The following BBS9 variants were observed in gnomAD, a reference collection of about 807,000 sequenced individuals.
The protein encoded by BBS9 is protein PTHB1.
BBS9 carries 89 observed loss-of-function variants against 117.7 expected under a neutral mutation model. The observed-to-expected ratio is 0.76, with a 90% CI of 0.64 to 0.90. The LOEUF (loss-of-function observed/expected upper bound fraction) is 0.90. BBS9 is among the 40% of genes least tolerant of loss of function. BBS9 has a pLI of 0.00. For synonymous variants in BBS9, 379 were observed against 370.9 expected, an observed-to-expected ratio of 1.02 and a Z score of -0.25; for missense variants, 982 against 1,042.2, an observed-to-expected ratio of 0.94 and a Z score of 0.80.
intron 5 of BBS9, among the ~76,000 whole-genome samples, chr7:33,200,622 T>C (rs1410549701): frequency 6.6e-6 from 1 of 152,182 alleles, no homozygotes; most frequent in East Asian, 1.9e-4. Context: ...TTTTCCTGGC[T>C]TTCACTCATA....
At chr7:33,558,351 G>A (rs372601309) in intron 21 of BBS9, among the ~76,000 whole-genome samples, 1 of 152,102 alleles carries the variant, frequency 6.6e-6, no homozygotes, top group East Asian at 1.9e-4. Flanking sequence ...ACTGAGGTGG[G>A]GGCACGTGAG....
At chr7:33,419,528 T>G (rs1356715575) in intron 19 of BBS9, among the ~76,000 whole-genome samples, 2 of 152,160 alleles carry the variant, frequency 1.3e-5, no homozygotes, top group East Asian at 3.8e-4. Context: ...GAGATTGTCT[T>G]ATAATAATAA....
intron 9 of BBS9, among the ~76,000 whole-genome samples, chr7:33,309,217 T>C (rs1018912800): frequency 3.9e-5 from 6 of 152,206 alleles, no homozygotes; most frequent in Admixed American, 1.3e-4. Context: ...AAGAAGATTC[T>C]TAGGTGATTC....
intron 4 of BBS9, among the ~76,000 whole-genome samples, chr7:33,161,912 ATGT>A (rs1794920444): frequency 6.6e-6 from 1 of 152,178 alleles, no homozygotes; most frequent in African/African-American, 2.4e-5. Flanking sequence ...GGGTGCATAG[ATGT>A]CTTCTTTTGA....
chr7:33,461,463 C>A (rs1839454173), intron 19 of BBS9, among the ~76,000 whole-genome samples: 1 of 151,012 alleles, frequency 6.6e-6, no homozygotes, highest in Non-Finnish European at 1.5e-5. Context: ...CCACTTTTTC[C>A]AAAGTTACTT....
At chr7:33,633,884 C>G (rs948282169) in intron 21 of BBS9, among the ~76,000 whole-genome samples, 5 of 152,140 alleles carry the variant, frequency 3.3e-5, no homozygotes, top group Admixed American at 2.6e-4. Flanking sequence ...CCTATCCAGC[C>G]CTCTTTGCTC....
chr7:33,178,059 C>T (rs901088704), intron 5 of BBS9, among the ~76,000 whole-genome samples: 1 of 152,202 alleles, frequency 6.6e-6, no homozygotes, highest in Non-Finnish European at 1.5e-5. Flanking sequence ...ACCTTATTGA[C>T]AGGAAGTCAC....
chr7:33,470,100 A>G (rs1007315292), intron 19 of BBS9, among the ~76,000 whole-genome samples: 2 of 152,100 alleles, frequency 1.3e-5, no homozygotes, highest in Non-Finnish European at 2.9e-5. Flanking sequence ...TCATCTTTGG[A>G]ATTGAGGACT....
chr7:33,417,600 T>C (rs948646325), intron 19 of BBS9, among the ~76,000 whole-genome samples: 15 of 152,366 alleles, frequency 9.8e-5, no homozygotes, highest in Non-Finnish European at 1.8e-4. Flanking sequence ...TTATCCAGGC[T>C]CTAAGACAAA....
At chr7:33,363,197 G>C (rs914880667) in intron 16 of BBS9, among the ~76,000 whole-genome samples, 1 of 152,136 alleles carries the variant, frequency 6.6e-6, no homozygotes, top group Non-Finnish European at 1.5e-5. Flanking sequence ...TCGCCTCCCA[G>C]GTTCAAGCAA....
At chr7:33,241,359 T>C (rs1182944548) in intron 5 of BBS9, among the ~76,000 whole-genome samples, 1 of 152,194 alleles carries the variant, frequency 6.6e-6, no homozygotes, top group East Asian at 1.9e-4. Flanking sequence ...TGAGACATTC[T>C]CTGTGCTTCT....
intron 5 of BBS9, among the ~76,000 whole-genome samples, chr7:33,199,332 A>G (rs1480348778): frequency 2.6e-5 from 4 of 151,974 alleles, no homozygotes; most frequent in Non-Finnish European, 5.9e-5. Flanking sequence ...TGGGTTACTC[A>G]GTTAATGAAG....
chr7:33,237,723 C>G (rs983559603), intron 5 of BBS9, among the ~76,000 whole-genome samples: 3 of 152,068 alleles, frequency 2.0e-5, no homozygotes, highest in Non-Finnish European at 2.9e-5. Context: ...GCCCATTTGG[C>G]TAATGGAAGA....
At chr7:33,151,874 C>G (rs1175535435) in intron 2 of BBS9, among the ~76,000 whole-genome samples, 1 of 24,080 alleles carries the variant, frequency 4.2e-5, no homozygotes, top group Non-Finnish European at 9.4e-5. Flanking sequence ...TTTTTTTTTT[C>G]AGTGACAAGG....
chr7:33,154,527 G>A (rs527768566), intron 3 of BBS9, among the ~76,000 whole-genome samples: 21 of 152,114 alleles, frequency 1.4e-4, no homozygotes, highest in Non-Finnish European at 2.6e-4. Flanking sequence ...GTGCAATGGC[G>A]TGATCTCAGC....
At chr7:33,420,980 T>C (rs543315703) in intron 19 of BBS9, among the ~76,000 whole-genome samples, 4 of 152,182 alleles carry the variant, frequency 2.6e-5, no homozygotes, top group African/African-American at 4.8e-5. Context: ...CTAGACACTG[T>C]TTTGTGGCAT....
At chr7:33,166,134 C>G (rs1314434345) in intron 4 of BBS9, among the ~76,000 whole-genome samples, 1 of 152,208 alleles carries the variant, frequency 6.6e-6, no homozygotes, top group Non-Finnish European at 1.5e-5. Context: ...GAGGTCCACT[C>G]CAGACACTGT....
At chr7:33,225,425 C>A (rs184366875) in intron 5 of BBS9, among the ~76,000 whole-genome samples, 1 of 152,224 alleles carries the variant, frequency 6.6e-6, no homozygotes, top group East Asian at 1.9e-4. Flanking sequence ...TCTTGAACTC[C>A]TGGCCTCAAG....
rs1178920368 is a variant in BBS9 at position 33,364,635 on chromosome 7, CCTCCCCTTCCCCCTCCTCTCCA to C, written c.1694-3115_1694-3094del. ...ATTTTCCCCCTTCCCCCTCCTCTCC[CCTCCCCTTCCCCCTCCTCTCCA>C]CTCCCCTTCCCCCTCCCATCCTTTC... On this transcript the variant is annotated intron_variant, in intron 16 of 22. Coordinates refer to ENST00000242067, the MANE Select transcript of BBS9 (RefSeq NM_198428.3). Among the ~76,000 whole-genome samples, 13 of 111,902 alleles carry C rather than the reference CCTCCCCTTCCCCCTCCTCTCCA, an allele frequency of 1.2e-4. 1 individual carries two copies. The East Asian group carries it at 2.2e-3, about 19-fold the overall frequency. 73.4% of individuals were successfully genotyped at this position (111,902 alleles called of 152,430 possible). A position where few individuals can be genotyped will look rare whatever the true frequency, so the allele number is the denominator to read the frequency against.
Sources: allele counts gnomAD v4.1 joint callset (sites outside exome capture counted in the v4.1 genomes callset), GRCh38; gene constraint gnomAD v4.1.1; transcripts MANE v1.5; gene names NCBI Gene and HGNC (gene_info 2026-07-23, HGNC 2026-07-21).